VAPB: variants seen among roughly 807,000 people sequenced by gnomAD.
VAPB encodes vesicle-associated membrane protein-associated protein B/C.
In VAPB, 7 loss-of-function variants were observed where a neutral mutation model predicts 25.6. The ratio of observed to expected loss-of-function variants is 0.27; its 90% CI spans 0.16 to 0.51. The LOEUF (loss-of-function observed/expected upper bound fraction) is 0.51. VAPB is among the 20% of genes least tolerant of loss of function. The probability of loss-of-function intolerance (pLI) is 0.97; values close to 1 mark genes in which losing one functional copy is unlikely to be tolerated. For synonymous variants in VAPB, 112 were observed against 109.2 expected (o/e 1.03, Z -0.16); for missense variants, 266 against 301.3 (o/e 0.88, Z 0.87).
In VAPB at chr20:58,399,933, C is replaced by G. The variant is rs202194320; in HGVS notation, c.58+10416C>G. ...TGCAAACTATGCATTTCTGGGTTAA[C>G]TGGGTACTATTTTAGTCTTTTAGTT... On this transcript the variant is annotated intron_variant, in intron 1 of 5. Coordinates refer to ENST00000475243, the MANE Select transcript of VAPB (RefSeq NM_004738.5). 2.6e-5 allele frequency among the ~76,000 whole-genome samples: 4 copies of G among 152,238 alleles called. No individual in the cohort carries two copies. In the East Asian group the frequency reaches 7.7e-4, roughly 29 times the overall value.
intron 4 of VAPB, 159 bp from the exon 5 acceptor site, chr20:58,440,748 A>G (rs1317298455): frequency 3.1e-6 from 2 of 653,332 alleles, no homozygotes; most frequent in Admixed American, 2.8e-5. Context: ...TTATTAAGAT[A>G]TCAGATAAAG....
intron 2 of VAPB, among the ~76,000 whole-genome samples, chr20:58,434,120 T>C (rs1988986959): frequency 6.6e-6 from 1 of 152,174 alleles, no homozygotes; most frequent in African/African-American, 2.4e-5. Flanking sequence ...GTTGGCAAAA[T>C]TGTATTTCAA....
chr20:58,391,622 A>T (rs781249270), intron 1 of VAPB, among the ~76,000 whole-genome samples: 1 of 151,694 alleles, frequency 6.6e-6, no homozygotes, highest in African/African-American at 2.4e-5. Flanking sequence ...TCTGCCTCCC[A>T]GGTTCAAGTG....
intron 2 of VAPB, among the ~76,000 whole-genome samples, chr20:58,430,801 C>G (rs1231079339): frequency 6.6e-6 from 1 of 152,142 alleles, no homozygotes; most frequent in Non-Finnish European, 1.5e-5. Flanking sequence ...GTCTGGAACT[C>G]TTGACCTCAG....
Position 58,448,755 on chromosome 20 carries a change from T to C in VAPB, c.*4520T>C, listed in dbSNP as rs763514. On this transcript the variant is annotated 3_prime_UTR_variant, in exon 6 of 6. Coordinates refer to ENST00000475243, the MANE Select transcript of VAPB (RefSeq NM_004738.5). ...AGTTCAGATGCTTTTTCTTTTTCTG[T>C]TGGAAACTGAACACACTACAGACAG... 45,149 of 454,002 alleles carry C rather than the reference T, an allele frequency of 0.099. 2,809 individuals are homozygous for C. Among genetic ancestry groups the C allele is most frequent in the East Asian group, 0.26 (3,782 of 14,382 alleles). 28.1% of individuals were successfully genotyped at this position (454,002 alleles called of 1,614,324 possible).
At chr20:58,437,895 C>T (rs1407655422) in intron 3 of VAPB, among the ~76,000 whole-genome samples, 1 of 152,146 alleles carries the variant, frequency 6.6e-6, no homozygotes, top group African/African-American at 2.4e-5. Context: ...GTAGCTGCCT[C>T]TTGCATGGTT....
intron 1 of VAPB, among the ~76,000 whole-genome samples, chr20:58,411,069 G>A (rs1370882876): frequency 7.9e-5 from 12 of 152,126 alleles, no homozygotes; most frequent in Admixed American, 5.9e-4. Context: ...TGGATTGTAT[G>A]GTAAGAATAT....
At chr20:58,434,205 CTTAGA>C (rs1315830610) in intron 2 of VAPB, among the ~76,000 whole-genome samples, 1 of 152,164 alleles carries the variant, frequency 6.6e-6, no homozygotes, top group Non-Finnish European at 1.5e-5. Flanking sequence ...TCTTAAACAT[CTTAGA>C]TTATTCTATT....
chr20:58,424,398 C>T (rs891352000), intron 2 of VAPB, among the ~76,000 whole-genome samples: 15 of 152,010 alleles, frequency 9.9e-5, no homozygotes, highest in Admixed American at 6.6e-4. Flanking sequence ...AGAACACCAC[C>T]GAGAGCAAGT....
In VAPB at chr20:58,449,306, G is replaced by T. The variant is rs1270216387; in HGVS notation, c.*5071G>T. 2.2e-6 allele frequency: 1 copy of T among 449,124 alleles called. No individual in the cohort carries two copies. The highest frequency in any genetic ancestry group is 4.4e-6 in the Non-Finnish European group (1 of 225,590). 27.8% of individuals were successfully genotyped at this position (449,124 alleles called of 1,614,324 possible). On this transcript the variant is annotated 3_prime_UTR_variant, in exon 6 of 6. Transcript: ENST00000475243. ...TGTATCTACGGCACTTAACAATAGGGGCTTTTTATTTTCATTACAGAGATA... is the reference window on the plus strand; with the variant it reads ...TGTATCTACGGCACTTAACAATAGGTGCTTTTTATTTTCATTACAGAGATA...
Position 58,448,012 on chromosome 20 carries a change from G to GC in VAPB, c.*3782dup, listed in dbSNP as rs1474018587. The GC allele has an allele frequency of 4.4e-6, 2 of 453,802 alleles. No homozygotes were observed. The highest frequency in any genetic ancestry group is 8.8e-6 in the Non-Finnish European group (2 of 226,738). 28.1% of individuals were successfully genotyped at this position (453,802 alleles called of 1,614,324 possible). On this transcript the variant is annotated 3_prime_UTR_variant, in exon 6 of 6. Transcript: ENST00000475243. Reference sequence around the variant, plus strand: ...TGAAGGGCCTCTCGTGGCTTTCCCTGCCCCCGGCTGTCTGGCCTGAAGAAG... The same window carrying GC: ...TGAAGGGCCTCTCGTGGCTTTCCCTGCCCCCCGGCTGTCTGGCCTGAAGAAG...
chr20:58,446,115 C>G lies in VAPB; in HGVS notation c.*1880C>G. ...CCCAGGTACTCACAGAAATGGTGAA[C>G]AGACTTAGTTGTTACCCAGGCACCC... is the stretch of plus-strand genomic sequence containing the variant. On this transcript the variant is annotated 3_prime_UTR_variant, in exon 6 of 6. Coordinates refer to ENST00000475243, the MANE Select transcript of VAPB (RefSeq NM_004738.5). 2.2e-6 allele frequency: 1 copy of G among 453,998 alleles called. No homozygotes were observed. Among genetic ancestry groups the G allele is most frequent in the Non-Finnish European group, 4.4e-6 (1 of 226,768 alleles). 28.1% of individuals were successfully genotyped at this position (453,998 alleles called of 1,614,324 possible).
intron 1 of VAPB, among the ~76,000 whole-genome samples, chr20:58,414,907 C>G (rs1419317377): frequency 2.0e-5 from 3 of 152,242 alleles, no homozygotes; most frequent in Non-Finnish European, 4.4e-5. Flanking sequence ...GAGCCGAGAT[C>G]ACGCCACTGC....
intron 2 of VAPB, among the ~76,000 whole-genome samples, chr20:58,433,109 G>A (rs1407549863): frequency 6.6e-6 from 1 of 152,158 alleles, no homozygotes; most frequent in Non-Finnish European, 1.5e-5. Flanking sequence ...GGATGGGGGA[G>A]GTTGGTATTT....
intron 1 of VAPB, among the ~76,000 whole-genome samples, chr20:58,409,192 C>CA (rs58935682): frequency 0.34 from 51,930 of 151,782 alleles, 9,179 homozygotes; most frequent in African/African-American, 0.35. Context: ...ACAAGAGGGA[C>CA]AAAAAAGTCT....
intron 1 of VAPB, among the ~76,000 whole-genome samples, chr20:58,409,190 G>C (rs1360803604): frequency 7.6e-6 from 1 of 132,000 alleles, no homozygotes; most frequent in East Asian, 2.2e-4. Context: ...GAACAAGAGG[G>C]ACAAAAAAGT....
chr20:58,407,855 G>T (rs1397345573), intron 1 of VAPB, among the ~76,000 whole-genome samples: 3 of 150,792 alleles, frequency 2.0e-5, no homozygotes, highest in Non-Finnish European at 4.5e-5. Context: ...AATTTTTATT[G>T]TAAGTAAGAG....
chr20:58,412,289 T>A (rs1262229644), intron 1 of VAPB, among the ~76,000 whole-genome samples: 1 of 152,130 alleles, frequency 6.6e-6, no homozygotes, highest in Non-Finnish European at 1.5e-5. Flanking sequence ...AAGTTAAAAG[T>A]AAAATTATGG....
intron 1 of VAPB, among the ~76,000 whole-genome samples, chr20:58,413,304 A>G (rs1489593305): frequency 6.6e-6 from 1 of 151,834 alleles, no homozygotes; most frequent in Non-Finnish European, 1.5e-5. Context: ...GGCCTTCCGC[A>G]GTGTTTGTGT....
Sources: allele counts gnomAD v4.1 joint callset (sites outside exome capture counted in the v4.1 genomes callset), GRCh38; gene constraint gnomAD v4.1.1; transcripts MANE v1.5; gene names NCBI Gene and HGNC (gene_info 2026-07-23, HGNC 2026-07-21).